The following GGA2 variants were observed in gnomAD, a reference collection of about 807,000 sequenced individuals.
The protein encoded by GGA2 is ADP-ribosylation factor-binding protein GGA2.
GGA2 carries 48 observed loss-of-function variants against 79.5 expected under a neutral mutation model. The ratio of observed to expected loss-of-function variants is 0.60; its 90% confidence interval spans 0.48 to 0.77. The LOEUF (loss-of-function observed/expected upper bound fraction) is 0.77. Ranked by LOEUF, GGA2 falls within the 30% of genes least tolerant of loss-of-function variation. The pLI is 0.00. For missense variants in GGA2, 770 were observed against 774.0 expected, an observed-to-expected ratio of 0.99 and a Z score of 0.06; for synonymous variants, 317 against 302.0, an observed-to-expected ratio of 1.05 and a Z score of -0.51.
At chr16:23,512,055 A>C (rs1002638348), upstream of GGA2, among the ~76,000 whole-genome samples, 2 of 152,194 alleles carry the variant, frequency 1.3e-5, no homozygotes, top group African/African-American at 4.8e-5. Flanking sequence ...GACAACACAT[A>C]ATTTTCCATT....
At position 23,474,962 on chromosome 16, in the gene GGA2, T is replaced by C. The variant is rs200373217; in HGVS notation, c.1392A>G (p.Pro464=). The C allele has an allele frequency of 1.5e-4, 247 of 1,613,118 alleles. No homozygotes were observed. The highest frequency in any genetic ancestry group is 2.0e-4 in the Non-Finnish European group (236 of 1,179,214). ...SWEAGPLAPS[P]SSQNTPLAQV... is the part of the protein sequence containing the mutation. ...GAGCCAGAGGTGTATTCTGTGAAGATGGGGAAGGAGCCAACGGGCCAGCCT... is the reference window on the plus strand; with the variant it reads ...GAGCCAGAGGTGTATTCTGTGAAGACGGGGAAGGAGCCAACGGGCCAGCCT... Residue 464 remains proline, a synonymous_variant, in exon 14 of 17, where the codon CCA becomes CCG. Coordinates refer to ENST00000309859, the MANE Select transcript of GGA2 (RefSeq NM_015044.4).
chr16:23,479,260 G>C (rs1027219078), intron 11 of GGA2, among the ~76,000 whole-genome samples: 1 of 151,306 alleles, frequency 6.6e-6, no homozygotes, highest in Non-Finnish European at 1.5e-5. Flanking sequence ...TCAGCAGCAG[G>C]CATGTGCTTC....
At chr16:23,495,425 T>G in intron 2 of GGA2, 1 of 265,396 alleles carries the variant, frequency 3.8e-6, no homozygotes, top group Non-Finnish European at 7.1e-6. Flanking sequence ...GTTCTCAGGA[T>G]TATAGGGGAA....
intron 5 of GGA2, among the ~76,000 whole-genome samples, chr16:23,491,161 G>T (rs949115626): frequency 1.3e-5 from 2 of 151,950 alleles, no homozygotes; most frequent in Non-Finnish European, 2.9e-5. Context: ...GAAAAAATTA[G>T]TTGGGTATGG....
At chr16:23,522,271 G>A (rs1165489560), upstream of GGA2, 1 of 163,568 alleles carries the variant, frequency 6.1e-6, no homozygotes, top group Non-Finnish European at 1.3e-5. Flanking sequence ...GCCAAGGAAT[G>A]GTAGCAGGAC....
chr16:23,488,513 C>A, intron 6 of GGA2, 93 bp downstream of exon 6: 2 of 798,956 alleles, frequency 2.5e-6, no homozygotes, highest in Non-Finnish European at 2.2e-6. Context: ...ATGTAACCTG[C>A]CCCCCTCCAT....
intron 2 of GGA2, among the ~76,000 whole-genome samples, chr16:23,515,652 G>A (rs1202289321): frequency 6.7e-6 from 1 of 150,330 alleles, no homozygotes; most frequent in South Asian, 2.1e-4. Context: ...CACAATGACA[G>A]ACTAACACAC....
At chr16:23,505,256 T>C (rs563087496) in intron 1 of GGA2, among the ~76,000 whole-genome samples, 1 of 152,268 alleles carries the variant, frequency 6.6e-6, no homozygotes, top group African/African-American at 2.4e-5. Context: ...ACAGATTTAC[T>C]GAGCACCCAA....
intron 11 of GGA2, 131 bp downstream of exon 11, chr16:23,479,634 A>C: frequency 5.8e-6 from 6 of 1,038,948 alleles, no homozygotes; most frequent in East Asian, 2.6e-5. Flanking sequence ...CCCAGAGGGA[A>C]CCAGCTCACT....
chr16:23,465,036 G>T lies in GGA2; in HGVS notation c.*2554C>A. The T allele has an allele frequency of 4.4e-6, 2 of 453,096 alleles. No homozygotes were observed. Among genetic ancestry groups the T allele is most frequent in the Non-Finnish European group, 8.0e-6 (2 of 250,866 alleles). 28.1% of individuals were successfully genotyped at this position (453,096 alleles called of 1,614,324 possible). Reference sequence around the variant, plus strand: ...GGACCCCCGAAGAGTTCAAGATACTGGAAAGCACTGGCCATGAGTGCCAGA... The same window carrying T: ...GGACCCCCGAAGAGTTCAAGATACTTGAAAGCACTGGCCATGAGTGCCAGA... On this transcript the variant is annotated 3_prime_UTR_variant, in exon 17 of 17. Transcript: ENST00000309859.
At chr16:23,478,626 G>A (rs1333233232) in intron 12 of GGA2, 125 bp from the exon 13 acceptor site, 2 of 931,794 alleles carry the variant, frequency 2.1e-6, no homozygotes, top group Non-Finnish European at 3.5e-6. Flanking sequence ...ACATCTCTTG[G>A]GGCAAGAGGG....
chr16:23,520,212 C>A (rs1346170189), intron 1 of GGA2, among the ~76,000 whole-genome samples: 3 of 131,862 alleles, frequency 2.3e-5, no homozygotes, highest in Non-Finnish European at 4.6e-5. Context: ...AAGATCACGC[C>A]ATTGCATGCC....
chr16:23,472,025 T>A (rs1401154706), intron 14 of GGA2, among the ~76,000 whole-genome samples: 1 of 152,054 alleles, frequency 6.6e-6, no homozygotes, highest in African/African-American at 2.4e-5. Context: ...AAAGCAACCT[T>A]TTCAGACGGG....
At chr16:23,468,848 GC>G in intron 16 of GGA2, 37 bp downstream of exon 16, 4 of 1,277,456 alleles carry the variant, frequency 3.1e-6, no homozygotes, top group East Asian at 2.3e-5. Context: ...CAGTTCAGGG[GC>G]CCCCATCTCC....
At chr16:23,518,799 T>C (rs948241501) in intron 2 of GGA2, among the ~76,000 whole-genome samples, 4 of 152,236 alleles carry the variant, frequency 2.6e-5, no homozygotes, top group African/African-American at 7.2e-5. Context: ...CAAACACTTT[T>C]TCATCATGAG....
At chr16:23,494,020 C>CA in intron 3 of GGA2, 1 of 460,626 alleles carries the variant, frequency 2.2e-6, no homozygotes, top group East Asian at 3.8e-5. Context: ...AGAAAAGGCA[C>CA]ATGAACTTGC....
chr16:23,503,341 A>G (rs1964940445), intron 1 of GGA2, among the ~76,000 whole-genome samples: 1 of 152,252 alleles, frequency 6.6e-6, no homozygotes, highest in Non-Finnish European at 1.5e-5. Flanking sequence ...GTGGTTGTAG[A>G]GTCTACTCTT....
chr16:23,501,082 T>C (rs151161044), intron 1 of GGA2: 9 of 367,618 alleles, frequency 2.4e-5, no homozygotes, highest in Non-Finnish European at 4.3e-5. Flanking sequence ...TCTCTGGCTA[T>C]TTTTGACAAG....
intron 2 of GGA2, among the ~76,000 whole-genome samples, chr16:23,518,399 G>C (rs547531119): frequency 8.6e-5 from 13 of 151,536 alleles, no homozygotes; most frequent in Non-Finnish European, 1.8e-4. Context: ...TTGTAAAGAT[G>C]GGGGGGTTTC....
Sources: allele counts gnomAD v4.1 joint callset (sites outside exome capture counted in the v4.1 genomes callset), GRCh38; gene constraint gnomAD v4.1.1; transcripts MANE v1.5; gene names NCBI Gene and HGNC (gene_info 2026-07-23, HGNC 2026-07-21).